The following ERBIN variants were observed in gnomAD, a reference collection of about 807,000 sequenced individuals.
ERBIN encodes erbb2 interacting protein.
ERBIN carries 60 observed loss-of-function variants against 158.4 expected under a neutral mutation model. That is an observed-to-expected ratio of 0.38 (90% CI 0.31 to 0.47). The LOEUF (loss-of-function observed/expected upper bound fraction) is 0.47, where lower values mean the gene tolerates loss of function less well. ERBIN is among the 20% of genes least tolerant of loss of function. The probability of loss-of-function intolerance (pLI) is 0.99; values close to 1 mark genes in which losing one functional copy is unlikely to be tolerated. For missense variants in ERBIN, 1,610 were observed against 1,648.0 expected (o/e 0.98, Z 0.40); for synonymous variants, 594 against 557.2 (o/e 1.07, Z -0.93).
chr5:65,974,023 C>T (rs1478491024), intron 1 of ERBIN, among the ~76,000 whole-genome samples: 1 of 150,960 alleles, frequency 6.6e-6, no homozygotes, highest in African/African-American at 2.5e-5. Context: ...TTGCTTGAGG[C>T]CAGGAGTTTG....
Position 66,043,190 on chromosome 5 carries a change from C to T in ERBIN, c.1420C>T (p.Pro474Ser). The T allele has an allele frequency of 6.2e-7, 1 of 1,612,864 alleles. No homozygotes were observed. Among genetic ancestry groups the T allele is most frequent in the African/African-American group, 1.3e-5 (1 of 74,968 alleles). Residue 474 changes from proline (P) to serine (S), a missense_variant, in exon 16 of 26, where the codon CCT becomes TCT. Around this residue, in one of 2 missense-constraint regions of ERBIN, gnomAD observed 596 missense variants for 711.9 expected, o/e 0.84. Transcript: ENST00000284037. ...TGAAGACAAAGATGAAAGGGAGGCACCTCCCAGGGTGAGTCTGTTCTTTAT... is the reference window on the plus strand; with the variant it reads ...TGAAGACAAAGATGAAAGGGAGGCATCTCCCAGGGTGAGTCTGTTCTTTAT... ...CDEDKDEREAPPREGNLKRYP... is the reference protein window; with the variant it reads ...CDEDKDEREASPREGNLKRYP...
At chr5:66,002,035 A>G (rs776717309) in intron 4 of ERBIN, among the ~76,000 whole-genome samples, 10 of 151,588 alleles carry the variant, frequency 6.6e-5, no homozygotes, top group South Asian at 2.1e-4. Context: ...TGATTGTTCA[A>G]CTCCCACTTA....
At chr5:65,979,643 G>C (rs900749494) in intron 1 of ERBIN, among the ~76,000 whole-genome samples, 3 of 152,062 alleles carry the variant, frequency 2.0e-5, no homozygotes. Context: ...GGTGAGTAAT[G>C]GACATGCCAA....
chr5:66,029,884 C>T, intron 14 of ERBIN, among the ~76,000 whole-genome samples: 1 of 152,152 alleles, frequency 6.6e-6, no homozygotes, highest in Non-Finnish European at 1.5e-5. Flanking sequence ...GCCACCACAC[C>T]CTGCCTTGGG....
intron 19 of ERBIN, among the ~76,000 whole-genome samples, chr5:66,049,693 A>T (rs1441817946): frequency 3.3e-5 from 5 of 152,100 alleles, no homozygotes; most frequent in African/African-American, 1.2e-4. Context: ...TGCTCCTAAG[A>T]TCTCAGAACA....
At chr5:66,013,476 T>G (rs550008697) in intron 5 of ERBIN, 73 bp from the exon 6 acceptor site, 3 of 1,054,502 alleles carry the variant, frequency 2.8e-6, no homozygotes, top group East Asian at 2.4e-5. Context: ...AAATATCTTG[T>G]GAGAGTCTTA....
rs1275407202 is a variant in ERBIN at position 66,000,189 on chromosome 5, G to A, written c.307+5325G>A. Among the ~76,000 whole-genome samples, 3 of 151,854 alleles carry A rather than the reference G, an allele frequency of 2.0e-5. No homozygotes were observed. In the East Asian group the frequency reaches 5.8e-4, roughly 29 times the overall value. On this transcript the variant is annotated intron_variant, in intron 4 of 25. Coordinates refer to ENST00000284037, the MANE Select transcript of ERBIN (RefSeq NM_001253697.2). ...ATACATCTGAAATTGTATGTATTGG[G>A]TAAACTTTGCTATCAGTCTTTATGG...
intron 4 of ERBIN, among the ~76,000 whole-genome samples, chr5:66,004,364 TTCAG>T (rs1472374923): frequency 6.6e-5 from 10 of 152,008 alleles, no homozygotes; most frequent in Admixed American, 2.6e-4. Context: ...TGTGATAAAA[TTCAG>T]TCTGTGTGTG....
chr5:65,992,545 T>C (rs1472283026), intron 2 of ERBIN, among the ~76,000 whole-genome samples, 165 bp from the exon 3 acceptor site: 1 of 152,210 alleles, frequency 6.6e-6, no homozygotes, highest in Non-Finnish European at 1.5e-5. Context: ...CCAGTAGTTA[T>C]AAATGTGGGT....
At chr5:66,032,009 A>G (rs1222902971) in intron 14 of ERBIN, among the ~76,000 whole-genome samples, 1 of 151,968 alleles carries the variant, frequency 6.6e-6, no homozygotes, top group Admixed American at 6.6e-5. Flanking sequence ...GACCAACTAG[A>G]CATAAGATTT....
chr5:66,081,395 A>G lies in ERBIN; in HGVS notation c.*2865A>G, dbSNP rs915257967. 3.3e-5 allele frequency: 5 copies of G among 152,066 alleles called. No individual in the cohort carries two copies. The highest frequency in any genetic ancestry group is 5.9e-5 in the Non-Finnish European group (4 of 67,924). The allele number at this position is 152,066 out of a possible 1,614,324, so 9.4% of individuals were successfully genotyped here. ...AATTCTTTTAAACACAAAACTTGCC[A>G]TAAGCAGAACCAAACTTTTAAGTAT... is the stretch of plus-strand genomic sequence containing the variant. On this transcript the variant is annotated 3_prime_UTR_variant, in exon 26 of 26. Transcript: ENST00000284037.
At chr5:65,986,292 C>T (rs1751225812) in intron 1 of ERBIN, among the ~76,000 whole-genome samples, 1 of 152,214 alleles carries the variant, frequency 6.6e-6, no homozygotes, top group Admixed American at 6.5e-5. Flanking sequence ...TTTCTTCTCT[C>T]TGCCTTGCTC....
At chr5:65,940,275 C>T (rs1348700569) in intron 1 of ERBIN, among the ~76,000 whole-genome samples, 12 of 150,450 alleles carry the variant, frequency 8.0e-5, no homozygotes, top group East Asian at 6.0e-4. Context: ...TCTGCCCAGC[C>T]GCCCCGTCTG....
chr5:65,968,579 G>A lies in ERBIN; in HGVS notation c.-57-20056G>A, dbSNP rs550447406. On this transcript the variant is annotated intron_variant, in intron 1 of 25. Coordinates refer to ENST00000284037, the MANE Select transcript of ERBIN (RefSeq NM_001253697.2). ...TTTGATTTAATTAATTAATTTATTT[G>A]AGACGATGTCTTGCTCCGTTGCCCA... 2.6e-5 allele frequency among the ~76,000 whole-genome samples: 4 copies of A among 152,126 alleles called. No homozygotes were observed. In the East Asian group the frequency reaches 7.7e-4, roughly 29 times the overall value.
rs1325878985 is a variant in ERBIN at position 66,046,373 on chromosome 5, A to G, written c.1623A>G (p.Thr541=). 3 of 1,588,094 alleles carry G rather than the reference A, an allele frequency of 1.9e-6. No homozygotes were observed. Among genetic ancestry groups the G allele is most frequent in the Non-Finnish European group, 2.6e-6 (3 of 1,164,026 alleles). Residue 541 remains threonine, a synonymous_variant, in exon 18 of 26, where the codon ACA becomes ACG. Transcript: ENST00000284037. The part of the protein sequence containing the change: ...VGVKTSESTT[T]VKSKVDEREK... The stretch of plus-strand genomic sequence containing the variant: ...CTTAGACCTCAGAAAGTACTACTAC[A>G]GTAAAAAGCAAAGTTGATGAAAGAG...
At chr5:65,954,893 C>T (rs927318700) in intron 1 of ERBIN, among the ~76,000 whole-genome samples, 15 of 151,740 alleles carry the variant, frequency 9.9e-5, no homozygotes, top group African/African-American at 2.7e-4. Flanking sequence ...GGTGAAGCTC[C>T]GTCTCTACTA....
intron 1 of ERBIN, among the ~76,000 whole-genome samples, chr5:65,950,123 G>T (rs752863170): frequency 6.6e-6 from 1 of 152,046 alleles, no homozygotes; most frequent in African/African-American, 2.4e-5. Flanking sequence ...CTCCTGCCTC[G>T]GCCTCTTGAG....
At chr5:65,963,152 T>C (rs902181857) in intron 1 of ERBIN, among the ~76,000 whole-genome samples, 1 of 152,234 alleles carries the variant, frequency 6.6e-6, no homozygotes, top group Admixed American at 6.5e-5. Flanking sequence ...GAATAGCTTT[T>C]TATTGCATAA....
chr5:65,958,610 GGAAGGAGA>G (rs1747549296), intron 1 of ERBIN, among the ~76,000 whole-genome samples: 3 of 142,058 alleles, frequency 2.1e-5, no homozygotes, highest in Admixed American at 2.0e-4. Context: ...GGGAGACCGT[GGAAGGAGA>G]GGGAGACCGT....
Sources: gnomAD v4.1 joint callset for allele counts (sites outside exome capture counted in the v4.1 genomes callset) on GRCh38, gnomAD v4.1.1 for gene constraint, gnomAD v4.1.1 regional missense constraint, MANE v1.5 for transcripts, NCBI Gene and HGNC (gene_info 2026-07-23, HGNC 2026-07-21) for gene names.